Variants in PFKFB3 observed in about 807,000 individuals in gnomAD.
PFKFB3 encodes 6-phosphofructo-2-kinase/fructose-2,6-biphosphatase 3.
In PFKFB3, 33 loss-of-function variants were observed where a neutral mutation model predicts 68.0. The ratio of observed to expected loss-of-function variants is 0.49; its 90% CI spans 0.37 to 0.65. The LOEUF (loss-of-function observed/expected upper bound fraction) is 0.65, where lower values mean the gene tolerates loss of function less well. PFKFB3 is among the 30% of genes least tolerant of loss of function. PFKFB3 has a pLI of 0.00. For missense variants in PFKFB3, 586 were observed against 712.2 expected (o/e 0.82, Z 2.02); for synonymous variants, 315 against 288.2 (o/e 1.09, Z -0.94).
At position 6,219,844 on chromosome 10, in the gene PFKFB3, C is replaced by T. The variant is rs35618553; in HGVS notation, c.623+151C>T. 2,132 of 706,382 alleles carry T rather than the reference C, an allele frequency of 3.0e-3. 73 individuals carry two copies. The East Asian group carries it at 0.055, about 18-fold the overall frequency. The allele number at this position is 706,382 out of a possible 1,614,324, so 43.8% of individuals were successfully genotyped here. A position where few individuals can be genotyped will look rare whatever the true frequency, so the allele number is the denominator to read the frequency against. On this transcript the variant is annotated intron_variant, in intron 7 of 14. Transcript: ENST00000379775. ...TAGAGATGAGGTCTCGCTATGTTGC[C>T]CGGGCTGGTCTTGAGCTCCTGGCCT...
At chr10:6,297,624 C>T in the PFKFB3 span, among the ~76,000 whole-genome samples, 6 of 152,084 alleles carry the variant, frequency 3.9e-5, no homozygotes, top group East Asian at 3.9e-4. Flanking sequence ...ATGAGGGGTA[C>T]GTGGAGGACG....
chr10:6,302,781 T>TAC, the PFKFB3 span, among the ~76,000 whole-genome samples: 2 of 130,966 alleles, frequency 1.5e-5, no homozygotes, highest in African/African-American at 3.0e-5. Context: ...CACACACACA[T>TAC]ATACACATAC....
chr10:6,197,000 T>TTA lies in PFKFB3; in HGVS notation c.17-16622_17-16621insAT, dbSNP rs763926675. Among the ~76,000 whole-genome samples, 666 of 151,594 alleles carry TTA rather than the reference T, an allele frequency of 4.4e-3. 6 individuals carry two copies. The highest frequency in any genetic ancestry group is 0.013 in the South Asian group (64 of 4,808). ...ACTTATTATTATTATTATTATTATT[T>TTA]TTGAGACAGAGTCTTGCTCTGTCCC... On this transcript the variant is annotated intron_variant, in intron 1 of 14. Coordinates refer to the PFKFB3 transcript ENST00000379789.
the PFKFB3 span, among the ~76,000 whole-genome samples, chr10:6,272,334 A>T: frequency 2.6e-5 from 4 of 152,222 alleles, no homozygotes; most frequent in Admixed American, 2.0e-4. Flanking sequence ...CTATTAGGAC[A>T]TCGGGGTTTC....
Position 6,215,368 on chromosome 10 carries a change from C to A in PFKFB3, c.299+51C>A, listed in dbSNP as rs140458074. On this transcript the variant is annotated intron_variant, in intron 3 of 14. Coordinates refer to ENST00000379775, the MANE Select transcript of PFKFB3 (RefSeq NM_004566.4). This position sits in a 1 kb window ranked among gnomAD's most constrained non-coding sequence, Gnocchi z 4.3. ...CTGGGCTGTGGGAATAAGGCTGGGCCGCGGGCATAAGGCTGGGCTGCAGGA... is the reference window on the plus strand; with the variant it reads ...CTGGGCTGTGGGAATAAGGCTGGGCAGCGGGCATAAGGCTGGGCTGCAGGA... 7.2e-7 allele frequency: 1 copy of A among 1,390,856 alleles called. No homozygotes were observed. Among genetic ancestry groups the A allele is most frequent in the Non-Finnish European group, 1.0e-6 (1 of 987,212 alleles). The allele number at this position is 1,390,856 out of a possible 1,614,324, so 86.2% of individuals were successfully genotyped here. A position where few individuals can be genotyped will look rare whatever the true frequency, so the allele number is the denominator to read the frequency against.
intron 11 of PFKFB3, among the ~76,000 whole-genome samples, chr10:6,223,277 G>C (rs549837357): frequency 6.6e-6 from 1 of 152,164 alleles, no homozygotes; most frequent in African/African-American, 2.4e-5. Context: ...TCTTGGCTTG[G>C]GGTGGGGGCT....
chr10:6,237,258 C>A (rs933065940), downstream of PFKFB3, among the ~76,000 whole-genome samples: 1 of 152,264 alleles, frequency 6.6e-6, no homozygotes, highest in Non-Finnish European at 1.5e-5. Context: ...GTCTCCTGAA[C>A]CTGGGCCTAA....
chr10:6,180,866 T>C (rs1287451415), intron 1 of PFKFB3, among the ~76,000 whole-genome samples: 1 of 152,258 alleles, frequency 6.6e-6, no homozygotes, highest in Admixed American at 6.5e-5. Context: ...GTTAGTTCTC[T>C]GGCAAGTAGC....
chr10:6,184,493 G>A (rs1261776245), intron 1 of PFKFB3, among the ~76,000 whole-genome samples: 1 of 151,612 alleles, frequency 6.6e-6, no homozygotes, highest in Admixed American at 6.6e-5. Flanking sequence ...TTTTTGAGAT[G>A]GAGTCTCACT....
intron 1 of PFKFB3, chr10:6,146,208 C>T (rs932026937): frequency 9.8e-6 from 14 of 1,424,480 alleles, no homozygotes; most frequent in African/African-American, 2.9e-5. Flanking sequence ...CCCGCACCCA[C>T]CCATCTGCCT....
At chr10:6,194,831 T>A (rs1843132247) in intron 1 of PFKFB3, among the ~76,000 whole-genome samples, 1 of 152,132 alleles carries the variant, frequency 6.6e-6, no homozygotes. Context: ...ACCAACACTC[T>A]TCTCATGGCA....
At chr10:6,165,109 G>T (rs189944446) in intron 1 of PFKFB3, among the ~76,000 whole-genome samples, 2 of 152,244 alleles carry the variant, frequency 1.3e-5, no homozygotes, top group East Asian at 3.9e-4. Context: ...CTGTCTCAGT[G>T]GGGGGAAACC....
At chr10:6,186,805 G>A (rs1001327094) in intron 1 of PFKFB3, among the ~76,000 whole-genome samples, 10 of 152,034 alleles carry the variant, frequency 6.6e-5, no homozygotes, top group South Asian at 4.1e-4. Flanking sequence ...GCCTTTATTC[G>A]TTCTTTTTGT....
At chr10:6,161,161 C>G (rs1564589574) in intron 1 of PFKFB3, among the ~76,000 whole-genome samples, 1 of 152,122 alleles carries the variant, frequency 6.6e-6, no homozygotes, top group South Asian at 2.1e-4. Flanking sequence ...GTCTTGAACT[C>G]CTGACCTCAG....
chr10:6,291,554 T>TAAA, the PFKFB3 span, among the ~76,000 whole-genome samples: 1 of 121,300 alleles, frequency 8.2e-6, no homozygotes, highest in African/African-American at 3.4e-5. Context: ...AGACTCTGTC[T>TAAA]CAAAAAAAAA....
At chr10:6,284,605 C>T in the PFKFB3 span, among the ~76,000 whole-genome samples, 2 of 152,082 alleles carry the variant, frequency 1.3e-5, no homozygotes, top group Admixed American at 6.6e-5. Flanking sequence ...ATGAAATTTA[C>T]CATTTTAACT....
intron 1 of PFKFB3, among the ~76,000 whole-genome samples, chr10:6,205,484 C>T (rs568708925): frequency 6.8e-5 from 10 of 147,568 alleles, no homozygotes; most frequent in African/African-American, 1.2e-4. Flanking sequence ...CTTCTGCCTC[C>T]GGGTTTCAAG....
intron 1 of PFKFB3, among the ~76,000 whole-genome samples, chr10:6,191,384 T>C (rs1018648296): frequency 6.6e-6 from 1 of 152,220 alleles, no homozygotes; most frequent in African/African-American, 2.4e-5. Flanking sequence ...CTAGGGCTCC[T>C]AGCCCCTGGA....
chr10:6,275,623 G>T, the PFKFB3 span, among the ~76,000 whole-genome samples: 377 of 152,208 alleles, frequency 2.5e-3, 1 homozygote, highest in African/African-American at 8.7e-3. The surrounding 1 kb of genome is among the most constrained non-coding windows in gnomAD (Gnocchi z 4.9). Context: ...TGGATCTTGT[G>T]GGTTTTTTTC....
Sources: allele counts gnomAD v4.1 joint callset (sites outside exome capture counted in the v4.1 genomes callset), GRCh38; gene constraint gnomAD v4.1.1; non-coding constraint Gnocchi (gnomAD v3.1); transcripts MANE v1.5; gene names NCBI Gene and HGNC (gene_info 2026-07-23, HGNC 2026-07-21).